IPCEF1: variants seen among roughly 807,000 people sequenced by gnomAD.
The protein encoded by IPCEF1 is interactor protein for cytohesin exchange factors 1.
IPCEF1 carries 31 observed loss-of-function variants against 50.9 expected under a neutral mutation model. The observed-to-expected ratio is 0.61, with a 90% confidence interval of 0.46 to 0.82. The LOEUF is 0.82. Ranked by LOEUF, IPCEF1 falls within the 40% of genes least tolerant of loss-of-function variation. IPCEF1 has a pLI of 0.00. For synonymous variants in IPCEF1, 181 were observed against 192.0 expected (o/e 0.94, Z 0.47); for missense variants, 458 against 514.0 (o/e 0.89, Z 1.05).
chr6:154,221,048 A>G (rs1409608494), intron 7 of IPCEF1, among the ~76,000 whole-genome samples: 1 of 152,244 alleles, frequency 6.6e-6, no homozygotes, highest in African/African-American at 2.4e-5. Flanking sequence ...GTTCCCCGAA[A>G]TAGCCACTTT....
At chr6:154,190,883 C>T (rs1349992880) in intron 10 of IPCEF1, among the ~76,000 whole-genome samples, 5 of 151,960 alleles carry the variant, frequency 3.3e-5, no homozygotes, top group African/African-American at 1.2e-4. Flanking sequence ...GGTGAAACCC[C>T]GTCTCTACTA....
intron 10 of IPCEF1, among the ~76,000 whole-genome samples, chr6:154,180,258 A>C (rs1382463201): frequency 6.6e-6 from 1 of 151,924 alleles, no homozygotes; most frequent in African/African-American, 2.4e-5. Flanking sequence ...CTTTTGTTAG[A>C]CTAGCTTAGG....
At position 154,247,476 on chromosome 6, in the gene IPCEF1, G is replaced by T. The variant is rs200153966; in HGVS notation, c.49C>A (p.Arg17Ser). 8.7e-6 allele frequency: 14 copies of T among 1,612,002 alleles called. No individual in the cohort carries two copies. The highest frequency in any genetic ancestry group is 1.1e-5 in the South Asian group (1 of 90,930). Residue 17 changes from arginine to serine, a missense_variant, in exon 4 of 12, where the codon CGT (arginine) becomes AGT (serine). By Grantham distance (110) the Arg-to-Ser change is moderately radical. Coordinates refer to ENST00000367220, the MANE Select transcript of IPCEF1 (RefSeq NM_001130700.2). ...IDGSALQVPL[R>S]QKPRRKTQGF... ...TGAGTTTTCCTCCTGGGCTTCTGAC[G>T]CAAGGGAACCTGCTGAAAATGCAGG... is the stretch of plus-strand genomic sequence containing the variant.
chr6:154,299,419 A>G lies in IPCEF1; in HGVS notation c.-61-9663T>C, dbSNP rs142757317. Among the ~76,000 whole-genome samples, 10 of 141,922 alleles carry G rather than the reference A, an allele frequency of 7.0e-5. 1 individual carries two copies. In the East Asian group the frequency reaches 2.0e-3, roughly 28 times the overall value. The allele number at this position is 141,922 out of a possible 152,430, so 93.1% of individuals were successfully genotyped here. On this transcript the variant is annotated intron_variant, in intron 1 of 11. Transcript: ENST00000367220. ...GATAAAGAAAATGTGGCACATATATATCATGGAATACTACGCAGTCATAAA... is the reference window on the plus strand; with the variant it reads ...GATAAAGAAAATGTGGCACATATATGTCATGGAATACTACGCAGTCATAAA...
At chr6:154,301,791 A>G (rs1782803197) in intron 1 of IPCEF1, among the ~76,000 whole-genome samples, 1 of 152,204 alleles carries the variant, frequency 6.6e-6, no homozygotes, top group Non-Finnish European at 1.5e-5. Context: ...ACATTTTAAG[A>G]TTAAGTATCT....
chr6:154,191,528 G>T (rs1182873229), intron 10 of IPCEF1, among the ~76,000 whole-genome samples: 1 of 151,994 alleles, frequency 6.6e-6, no homozygotes. Context: ...ACAAAAATTA[G>T]CTGGGCATGG....
rs199880394 is a variant in IPCEF1, at chr6:154,221,717, C to CA, written c.321-390dup. On this transcript the variant is annotated intron_variant, in intron 6 of 11. Coordinates refer to ENST00000367220, the MANE Select transcript of IPCEF1 (RefSeq NM_001130700.2). Reference sequence around the variant, plus strand: ...TGAAACCCCGTCTCTACTAAATATACAAAAAAATTAGCCGGGCATGGTGGC... The same window carrying CA: ...TGAAACCCCGTCTCTACTAAATATACAAAAAAAATTAGCCGGGCATGGTGGC... Among the ~76,000 whole-genome samples the CA allele has an allele frequency of 1.1e-3, 165 of 151,882 alleles. No individual in the cohort carries two copies. In the East Asian group the frequency reaches 0.028, roughly 26 times the overall value.
intron 8 of IPCEF1, 167 bp from the exon 9 acceptor site, chr6:154,213,022 G>A (rs1778094543): frequency 3.4e-6 from 2 of 596,910 alleles, no homozygotes; most frequent in Non-Finnish European, 6.0e-6. Context: ...AATTACATAA[G>A]AGGCAGAAAC....
intron 10 of IPCEF1, among the ~76,000 whole-genome samples, chr6:154,177,621 T>C (rs1423551439): frequency 1.3e-5 from 2 of 152,166 alleles, no homozygotes; most frequent in Admixed American, 6.5e-5. Flanking sequence ...ATGGTGATCA[T>C]TAAAAAGTCA....
intron 11 of IPCEF1, 137 bp downstream of exon 11, chr6:154,167,783 A>G (rs1157519215): frequency 1.6e-5 from 10 of 615,460 alleles, no homozygotes; most frequent in East Asian, 1.1e-4. Flanking sequence ...ATCTTGCCCT[A>G]TAAAGGTTAT....
intron 10 of IPCEF1, among the ~76,000 whole-genome samples, chr6:154,190,752 C>T (rs544962786): frequency 6.6e-6 from 1 of 152,314 alleles, no homozygotes; most frequent in East Asian, 1.9e-4. Context: ...AACTTGGAAG[C>T]TACAAAGATG....
chr6:154,289,234 G>A (rs919557214), intron 2 of IPCEF1, among the ~76,000 whole-genome samples: 3 of 151,754 alleles, frequency 2.0e-5, no homozygotes, highest in Admixed American at 6.6e-5. Flanking sequence ...CTTTAGAGGT[G>A]GGGACATCTT....
At chr6:154,254,563 A>T (rs1781415937) in intron 3 of IPCEF1, among the ~76,000 whole-genome samples, 1 of 152,344 alleles carries the variant, frequency 6.6e-6, no homozygotes, top group Admixed American at 6.5e-5. Flanking sequence ...TTTGGATTAC[A>T]ATTCCAGATG....
intron 2 of IPCEF1, among the ~76,000 whole-genome samples, chr6:154,287,262 C>T (rs1782387177): frequency 6.6e-6 from 1 of 151,962 alleles, no homozygotes; most frequent in Non-Finnish European, 1.5e-5. Context: ...TGACACCTCT[C>T]CAGCCATGCT....
chr6:154,191,273 G>T (rs531775297), intron 10 of IPCEF1, among the ~76,000 whole-genome samples: 21 of 152,284 alleles, frequency 1.4e-4, no homozygotes, highest in African/African-American at 4.8e-4. Flanking sequence ...GAGCACAGGG[G>T]ATATTTTTTA....
intron 10 of IPCEF1, among the ~76,000 whole-genome samples, chr6:154,190,476 T>C (rs1410363801): frequency 1.3e-5 from 2 of 152,170 alleles, no homozygotes; most frequent in African/African-American, 2.4e-5. Context: ...ACCCACCTAC[T>C]AGCATGGCGA....
intron 7 of IPCEF1, among the ~76,000 whole-genome samples, chr6:154,215,650 G>C (rs942620437): frequency 2.0e-5 from 3 of 151,898 alleles, no homozygotes; most frequent in African/African-American, 7.3e-5. Flanking sequence ...AAACAAAATA[G>C]GAGTTTCTAA....
intron 3 of IPCEF1, among the ~76,000 whole-genome samples, chr6:154,262,716 C>T (rs558862625): frequency 6.6e-5 from 10 of 151,062 alleles, no homozygotes; most frequent in Admixed American, 6.6e-4. Context: ...AATCCTAATC[C>T]TTTCTTTTTT....
At chr6:154,347,760 G>T (rs1784058755) in intron 1 of IPCEF1, among the ~76,000 whole-genome samples, 1 of 152,178 alleles carries the variant, frequency 6.6e-6, no homozygotes, top group South Asian at 2.1e-4. Context: ...TATTTCATAG[G>T]CCAGGAGCAT....
Sources: gnomAD v4.1 joint callset for allele counts (sites outside exome capture counted in the v4.1 genomes callset) on GRCh38, gnomAD v4.1.1 for gene constraint, MANE v1.5 for transcripts, NCBI Gene and HGNC (gene_info 2026-07-23, HGNC 2026-07-21) for gene names.